The following ZNF215 variants were observed in gnomAD, a reference collection of about 807,000 sequenced individuals.
The protein encoded by ZNF215 is zinc finger protein 215, also known as BWSCR2-associated zinc finger protein 2.
ZNF215 carries 24 observed loss-of-function variants against 27.2 expected under a neutral mutation model. The ratio of observed to expected loss-of-function variants is 0.88; its 90% CI spans 0.64 to 1.24. ZNF215 has a LOEUF of 1.24. Among genes scored for constraint, ZNF215 ranks in the 50% most tolerant of loss-of-function variants. ZNF215 has a pLI of 0.00. For synonymous variants in ZNF215, 210 were observed against 204.0 expected (o/e 1.03, Z -0.25); for missense variants, 675 against 605.7 (o/e 1.11, Z -1.20).
intron 5 of ZNF215, among the ~76,000 whole-genome samples, chr11:6,975,247 C>T (rs2638108): frequency 6.6e-6 from 1 of 151,838 alleles, no homozygotes; most frequent in Non-Finnish European, 1.5e-5. Context: ...ATGAAGCCCA[C>T]TTGATAATTT....
chr11:6,953,589 C>A (rs2133281763), intron 6 of ZNF215, among the ~76,000 whole-genome samples: 1 of 152,326 alleles, frequency 6.6e-6, no homozygotes, highest in Non-Finnish European at 1.5e-5. Context: ...GCTCCATCAG[C>A]TACTCTAAGC....
At chr11:6,927,185 A>C (rs1047554496) in intron 1 of ZNF215, among the ~76,000 whole-genome samples, 2 of 152,170 alleles carry the variant, frequency 1.3e-5, no homozygotes, top group Admixed American at 6.5e-5. Context: ...ATGGAGTTTT[A>C]ATTAATTCAT....
chr11:6,976,788 T>G (rs1462528329), intron 5 of ZNF215, among the ~76,000 whole-genome samples: 2 of 152,074 alleles, frequency 1.3e-5, no homozygotes, highest in Non-Finnish European at 2.9e-5. Context: ...GAAATACACA[T>G]GTATATGTTT....
At chr11:6,964,054 T>G (rs1009379424) in intron 5 of ZNF215, among the ~76,000 whole-genome samples, 1 of 152,056 alleles carries the variant, frequency 6.6e-6, no homozygotes, top group Non-Finnish European at 1.5e-5. Flanking sequence ...CATTATCACT[T>G]CAATTTGCAT....
At chr11:6,960,803 C>T (rs933140310), downstream of ZNF215, among the ~76,000 whole-genome samples, 3 of 152,172 alleles carry the variant, frequency 2.0e-5, no homozygotes, top group African/African-American at 7.2e-5. Context: ...AAAATGGACA[C>T]TACAGAGCTC....
chr11:6,965,177 G>T (rs1850594956), intron 5 of ZNF215, among the ~76,000 whole-genome samples: 1 of 152,058 alleles, frequency 6.6e-6, no homozygotes, highest in South Asian at 2.1e-4. Context: ...ATTGAGAACA[G>T]TGTTATTTCA....
chr11:6,978,437 A>G (rs1272950906), intron 5 of ZNF215, among the ~76,000 whole-genome samples: 1 of 152,070 alleles, frequency 6.6e-6, no homozygotes, highest in Non-Finnish European at 1.5e-5. Flanking sequence ...GGCATTTGAC[A>G]AAGCTCAGTG....
chr11:6,940,400 G>A (rs1849594905), intron 3 of ZNF215, among the ~76,000 whole-genome samples: 1 of 152,132 alleles, frequency 6.6e-6, no homozygotes, highest in South Asian at 2.1e-4. Flanking sequence ...TACCTCCTAG[G>A]CTCGGGAAAT....
At chr11:6,979,395 T>C (rs1037062772) in intron 5 of ZNF215, among the ~76,000 whole-genome samples, 1 of 152,078 alleles carries the variant, frequency 6.6e-6, no homozygotes, top group Non-Finnish European at 1.5e-5. Context: ...AGATTTATAA[T>C]AACTTGATTT....
intron 6 of ZNF215, among the ~76,000 whole-genome samples, chr11:6,947,073 TA>T (rs1849839662): frequency 6.6e-6 from 1 of 152,210 alleles, no homozygotes; most frequent in Non-Finnish European, 1.5e-5. Context: ...CACACTTTTT[TA>T]AAATTTATGT....
intron 5 of ZNF215, among the ~76,000 whole-genome samples, chr11:6,969,188 CAT>C (rs1208683296): frequency 6.6e-6 from 1 of 152,122 alleles, no homozygotes; most frequent in African/African-American, 2.4e-5. Context: ...AGAAAGCCCT[CAT>C]ATTGACAATT....
chr11:6,932,898 G>A (rs186186734), intron 3 of ZNF215, among the ~76,000 whole-genome samples: 1 of 152,296 alleles, frequency 6.6e-6, no homozygotes, highest in East Asian at 1.9e-4. Flanking sequence ...AAAATATTAT[G>A]TTGACATCAA....
rs769953574 is a variant in ZNF215, at chr11:6,956,035, C to G, written c.1058C>G (p.Ser353Ter). 2 of 1,608,648 alleles carry G rather than the reference C, an allele frequency of 1.2e-6. No homozygotes were observed. The highest frequency in any genetic ancestry group is 1.3e-5 in the African/African-American group (1 of 74,758). The change falls in exon 7 of 7, where the codon TCA becomes TGA. Residue 353 changes from serine (S) to a stop codon, truncating the protein, a stop_gained. Coordinates refer to ENST00000278319, the MANE Select transcript of ZNF215 (RefSeq NM_013250.4). LOFTEE classifies it low-confidence loss of function (END_TRUNC). ...TTAGACTCAGTAGGTAAGCAACATT[C>G]AGAATATGAATATGGGAATGACTTG... ...FNLDSVGKQHSEYEYGNDLSL... is the reference protein window; with the variant it reads ...FNLDSVGKQH
intron 5 of ZNF215, among the ~76,000 whole-genome samples, chr11:6,970,024 C>T (rs912609832): frequency 3.9e-5 from 6 of 152,102 alleles, no homozygotes; most frequent in African/African-American, 7.2e-5. Context: ...TTAAGTGACC[C>T]GCCTGCCTGG....
downstream of ZNF215, among the ~76,000 whole-genome samples, chr11:6,984,937 C>CCA: frequency 6.6e-6 from 1 of 152,080 alleles, no homozygotes; most frequent in Non-Finnish European, 1.5e-5. Flanking sequence ...CTGCACTGGT[C>CCA]ACGATGGATT....
At chr11:6,959,078 A>G (rs1273260784), downstream of ZNF215, among the ~76,000 whole-genome samples, 1 of 152,176 alleles carries the variant, frequency 6.6e-6, no homozygotes, top group Non-Finnish European at 1.5e-5. Context: ...TCAAGTTGGC[A>G]CTCAATATTA....
chr11:6,981,704 T>C (rs914086855), intron 5 of ZNF215, among the ~76,000 whole-genome samples: 5 of 152,222 alleles, frequency 3.3e-5, no homozygotes, highest in Non-Finnish European at 7.3e-5. Context: ...TCTTGAATGG[T>C]AATGCCTAGG....
intron 5 of ZNF215, among the ~76,000 whole-genome samples, chr11:6,981,242 C>T (rs1440774152): frequency 6.7e-6 from 1 of 148,772 alleles, no homozygotes; most frequent in Admixed American, 6.7e-5. Flanking sequence ...TAAAAGTGTT[C>T]CTATTTCTCC....
At chr11:6,940,510 A>T (rs1426111965) in intron 3 of ZNF215, among the ~76,000 whole-genome samples, 3 of 152,086 alleles carry the variant, frequency 2.0e-5, no homozygotes, top group Non-Finnish European at 4.4e-5. Context: ...GAATCTCCCT[A>T]TGTTGCTTAG....
Sources: gnomAD v4.1 joint callset for allele counts (sites outside exome capture counted in the v4.1 genomes callset) on GRCh38, gnomAD v4.1.1 for gene constraint, MANE v1.5 for transcripts, NCBI Gene and HGNC (gene_info 2026-07-23, HGNC 2026-07-21) for gene names.